The following SLC25A41 variants were observed in gnomAD, a reference collection of about 807,000 sequenced individuals.
The protein encoded by SLC25A41 is mitochondrial carrier protein SCaMC-3L.
SLC25A41 carries 35 observed loss-of-function variants against 34.7 expected under a neutral mutation model. The observed-to-expected ratio is 1.01, with a 90% CI of 0.77 to 1.34. SLC25A41 has a LOEUF of 1.34. SLC25A41 is among the 40% of genes most tolerant of loss of function. The pLI is 0.00. For missense variants in SLC25A41, 492 were observed against 489.8 expected (o/e 1.00, Z -0.04); for synonymous variants, 190 against 209.9 (o/e 0.91, Z 0.82).
At position 6,429,854 on chromosome 19, in the gene SLC25A41, G is replaced by A. The variant is rs200863434; in HGVS notation, c.517-23C>T. ...GCACTGGGAGAGGAGAGAGGAGGGTGAGAGAGAAGTCAGCCACCCTCCGAC... is the reference window on the plus strand; with the variant it reads ...GCACTGGGAGAGGAGAGAGGAGGGTAAGAGAGAAGTCAGCCACCCTCCGAC... On this transcript the variant is annotated intron_variant, in intron 3 of 6. Coordinates refer to ENST00000321510, the MANE Select transcript of SLC25A41 (RefSeq NM_173637.4). The A allele has an allele frequency of 4.1e-3, 6,628 of 1,607,502 alleles. 24 individuals carry two copies. The highest frequency in any genetic ancestry group is 5.0e-3 in the Non-Finnish European group (5,858 of 1,175,712).
At chr19:6,435,421 G>C (rs113905776), upstream of SLC25A41, among the ~76,000 whole-genome samples, 2,805 of 148,426 alleles carry the variant, frequency 0.019, 45 homozygotes, top group South Asian at 0.037. Context: ...GCCCGGCTAA[G>C]TTTTAAAAAT....
chr19:6,433,594 G>T lies in SLC25A41; in HGVS notation c.100C>A (p.Gln34Lys). ...TLLIKAPPPPQPPPPPPSWNP... is the reference protein window; with the variant it reads ...TLLIKAPPPPKPPPPPPSWNP... ...CAGGATGGGGGTGGAGGCGGAGGTT[G>T]GGGGGGAGGCGGGGCTTTGATGAGT... The change falls in exon 1 of 7, where the codon CAA becomes AAA. Residue 34 changes from glutamine to lysine, a missense_variant. By Grantham distance (53) the Gln-to-Lys change is moderately conservative (BLOSUM62 1). Coordinates refer to ENST00000321510, the MANE Select transcript of SLC25A41 (RefSeq NM_173637.4). 2 of 1,605,942 alleles carry T rather than the reference G, an allele frequency of 1.2e-6. No individual in the cohort carries two copies. The highest frequency in any genetic ancestry group is 8.5e-7 in the Non-Finnish European group (1 of 1,173,950).
chr19:6,433,136 C>T (rs938186016), intron 1 of SLC25A41, among the ~76,000 whole-genome samples: 2 of 152,070 alleles, frequency 1.3e-5, no homozygotes, highest in African/African-American at 2.4e-5. Flanking sequence ...GCAACCTCTA[C>T]CTCCTGAGTT....
In SLC25A41 at chr19:6,432,100, C is replaced by T. The variant is rs370366254; in HGVS notation, c.312G>A (p.Ala104=). The change falls in exon 2 of 7, where the codon GCG becomes GCA. Residue 104 remains alanine, a synonymous_variant. Coordinates refer to ENST00000321510, the MANE Select transcript of SLC25A41 (RefSeq NM_173637.4). ...GAGGTGCCGTGCCCGTGCGAGACAC[C>T]GCCCCGGCCATAGCTCCTGAGAGTA... ...KFLLSGAMAG[A]VSRTGTAPLD... The T allele has an allele frequency of 1.6e-5, 26 of 1,613,768 alleles. No homozygotes were observed. Among genetic ancestry groups the T allele is most frequent in the East Asian group, 4.5e-5 (2 of 44,886 alleles).
At chr19:6,431,886 C>G (rs1182951251) in intron 2 of SLC25A41, among the ~76,000 whole-genome samples, 163 bp downstream of exon 2, 1 of 152,130 alleles carries the variant, frequency 6.6e-6, no homozygotes, top group African/African-American at 2.4e-5. Flanking sequence ...CACACCAGCT[C>G]TATCACCATC....
rs1235568243 is a variant in SLC25A41 at position 6,426,391 on chromosome 19, A to G, written c.1111T>C (p.Ter371GlnextTer17). ...YEAMKKTLGI[*>Q] Reference sequence around the variant, plus strand: ...GGCTGTGTCGTCCAGCTCACAGCCTATATGCCCAGGGTTTTCTTCATGGCT... The same window carrying G: ...GGCTGTGTCGTCCAGCTCACAGCCTGTATGCCCAGGGTTTTCTTCATGGCT... Residue 371 changes from the stop codon to glutamine, a stop_lost, in exon 7 of 7, where the codon TAG (stop) becomes CAG (glutamine). Transcript: ENST00000321510. 6 of 1,613,084 alleles carry G rather than the reference A, an allele frequency of 3.7e-6. No homozygotes were observed. The highest frequency in any genetic ancestry group is 2.2e-5 in the East Asian group (1 of 44,874).
At chr19:6,434,185 T>C (rs1018900255), upstream of SLC25A41, among the ~76,000 whole-genome samples, 2 of 152,110 alleles carry the variant, frequency 1.3e-5, no homozygotes, top group African/African-American at 4.8e-5. Context: ...CCTCATGATC[T>C]GCCCACCTCA....
rs773531048 is a variant in SLC25A41 at position 6,427,240 on chromosome 19, C to T, written c.803G>A (p.Cys268Tyr). 1 of 1,612,634 alleles carries T rather than the reference C, an allele frequency of 6.2e-7. No individual in the cohort carries two copies. The highest frequency in any genetic ancestry group is 8.5e-7 in the Non-Finnish European group (1 of 1,179,740). ...TDLAVYEMLQ[C>Y]FWVKSGRDMG... is the part of the protein sequence containing the mutation. ...ATCCCTGCCTGACTTCACCCAGAAG[C>T]ACTGGAGCATCTGCAAGAGAAGGGG... is the stretch of plus-strand genomic sequence containing the variant. The change falls in exon 6 of 7, where the codon TGC becomes TAC. Residue 268 changes from cysteine (C) to tyrosine (Y), a missense_variant. Physicochemically the swap from Cys to Tyr is radical, Grantham distance 194. Transcript: ENST00000321510. This position sits in a 1 kb window ranked among gnomAD's most constrained non-coding sequence, Gnocchi z 4.9.
chr19:6,426,539 G>T lies in SLC25A41; in HGVS notation c.963C>A (p.Pro321=). 2 of 1,613,122 alleles carry T rather than the reference G, an allele frequency of 1.2e-6. No individual in the cohort carries two copies. The highest frequency in any genetic ancestry group is 1.7e-6 in the Non-Finnish European group (2 of 1,179,756). Residue 321 remains proline, a synonymous_variant, in exon 7 of 7, where the codon CCC becomes CCA. Coordinates refer to ENST00000321510, the MANE Select transcript of SLC25A41 (RefSeq NM_173637.4). ...TCCGCTGGAGGACTCCGCGCATGGTGGGATTTGAGCCCTCCACGGTATCTG... is the reference window on the plus strand; with the variant it reads ...TCCGCTGGAGGACTCCGCGCATGGTTGGATTTGAGCCCTCCACGGTATCTG... The part of the protein sequence containing the change: ...QAQDTVEGSN[P]TMRGVLQRIL...
chr19:6,431,270 C>G (rs571618809), intron 2 of SLC25A41, among the ~76,000 whole-genome samples: 1 of 151,080 alleles, frequency 6.6e-6, no homozygotes, highest in South Asian at 2.1e-4. Flanking sequence ...ATTTTTTCAG[C>G]CAGGGATCTC....
chr19:6,435,217 C>G (rs1466902907), upstream of SLC25A41, among the ~76,000 whole-genome samples: 1 of 139,504 alleles, frequency 7.2e-6, no homozygotes, highest in East Asian at 2.1e-4. Flanking sequence ...GAGCGAGACC[C>G]TGTCTCAAAA....
At chr19:6,433,923 T>C (rs191926655), upstream of SLC25A41, 165 of 447,846 alleles carry the variant, frequency 3.7e-4, no homozygotes, top group Middle Eastern at 1.1e-3. Flanking sequence ...ATAAATTGAA[T>C]TGTGTCCTGT....
Position 6,432,108 on chromosome 19 carries a change from C to A in SLC25A41, c.304G>T (p.Ala102Ser), listed in dbSNP as rs200891937. Residue 102 changes from alanine (A) to serine (S), a missense_variant, in exon 2 of 7, where the codon GCC becomes TCC. Ala to Ser is a moderately conservative substitution (Grantham distance 99). Coordinates refer to ENST00000321510, the MANE Select transcript of SLC25A41 (RefSeq NM_173637.4). Reference sequence around the variant, plus strand: ...GTGCCCGTGCGAGACACCGCCCCGGCCATAGCTCCTGAGAGTAGAAACTTC... The same window carrying A: ...GTGCCCGTGCGAGACACCGCCCCGGACATAGCTCCTGAGAGTAGAAACTTC... ...LWKFLLSGAMAGAVSRTGTAP... is the reference protein window; with the variant it reads ...LWKFLLSGAMSGAVSRTGTAP... The A allele has an allele frequency of 1.1e-5, 18 of 1,613,944 alleles. No homozygotes were observed. In the Admixed American group the frequency reaches 2.2e-4, roughly 19 times the overall value.
Position 6,430,123 on chromosome 19 carries a change from C to T in SLC25A41, c.402G>A (p.Gly134=). The change falls in exon 3 of 7, where the codon GGG becomes GGA. Residue 134 remains glycine (G), a synonymous_variant. Coordinates refer to ENST00000321510, the MANE Select transcript of SLC25A41 (RefSeq NM_173637.4). The part of the protein sequence containing the change: ...SSKTNFTNLL[G]GLQSMVQEGG... ...CCTCCTGGACCATGCTCTGTAGCCC[C>T]CCCAGCAGGTTGGTGAAGTTCGTCT... is the stretch of plus-strand genomic sequence containing the variant. 1 of 1,613,244 alleles carries T rather than the reference C, an allele frequency of 6.2e-7. No individual in the cohort carries two copies.
intron 1 of SLC25A41, 112 bp from the exon 2 acceptor site, chr19:6,432,316 G>C (rs931974460): frequency 1.6e-6 from 2 of 1,229,228 alleles, no homozygotes; most frequent in Non-Finnish European, 2.2e-6. Context: ...CCCCAAGTCT[G>C]CATTTTTTTT....
At position 6,426,489 on chromosome 19, in the gene SLC25A41, C is replaced by G. The variant is rs371333924; in HGVS notation, c.1013G>C (p.Gly338Ala). The G allele has an allele frequency of 6.2e-6, 10 of 1,613,490 alleles. No individual in the cohort carries two copies. The African/African-American group carries it at 1.2e-4, about 19-fold the overall frequency. Residue 338 changes from glycine to alanine, a missense_variant, in exon 7 of 7, where the codon GGG (glycine) becomes GCG (alanine). Physicochemically the swap from Gly to Ala is moderately conservative, Grantham distance 60. Coordinates refer to ENST00000321510, the MANE Select transcript of SLC25A41 (RefSeq NM_173637.4). Reference sequence around the variant, plus strand: ...CGTGGGGGTCATGCCTCGGTACAGCCCTAGCCAGCCCTGCTGGGCCAGGAT... The same window carrying G: ...CGTGGGGGTCATGCCTCGGTACAGCGCTAGCCAGCCCTGCTGGGCCAGGAT... Reference protein sequence around the residue: ...QRILAQQGWLGLYRGMTPTLL... With the variant: ...QRILAQQGWLALYRGMTPTLL...
chr19:6,427,291 T>C lies in SLC25A41; in HGVS notation c.793-41A>G, dbSNP rs200181105. Reference sequence around the variant, plus strand: ...GCCAGGAGAAAGCTCACTAGGAGCCTGGGCTCCGGCCAGCCCTGCCACCCC... The same window carrying C: ...GCCAGGAGAAAGCTCACTAGGAGCCCGGGCTCCGGCCAGCCCTGCCACCCC... On this transcript the variant is annotated intron_variant, in intron 5 of 6. Coordinates refer to ENST00000321510, the MANE Select transcript of SLC25A41 (RefSeq NM_173637.4). This position sits in a 1 kb window ranked among gnomAD's most constrained non-coding sequence, Gnocchi z 4.9. The C allele has an allele frequency of 7.9e-3, 12,691 of 1,607,754 alleles. 172 individuals are homozygous for C. Among genetic ancestry groups the C allele is most frequent in the South Asian group, 0.013 (1,141 of 90,760 alleles).
At chr19:6,430,208 C>T (rs758866899) in intron 2 of SLC25A41, 47 bp from the exon 3 acceptor site, 5 of 1,549,410 alleles carry the variant, frequency 3.2e-6, no homozygotes, top group South Asian at 2.5e-5. Flanking sequence ...GCCTCTGTCT[C>T]CGTCCCCATC....
chr19:6,429,726 C>T lies in SLC25A41; in HGVS notation c.622G>A (p.Glu208Lys). 1.3e-6 allele frequency: 2 copies of T among 1,586,222 alleles called. No homozygotes were observed. The highest frequency in any genetic ancestry group is 1.7e-6 in the Non-Finnish European group (2 of 1,169,270). The change falls in exon 4 of 7, where the codon GAG becomes AAG. Residue 208 changes from glutamate to lysine, a missense_variant and splice_region_variant. Physicochemically the swap from Glu to Lys is moderately conservative, Grantham distance 56 (BLOSUM62 1). Coordinates refer to ENST00000321510, the MANE Select transcript of SLC25A41 (RefSeq NM_173637.4). Reference protein sequence around the residue: ...AISQTLINPMEVLKTRLTLRR... With the variant: ...AISQTLINPMKVLKTRLTLRR... The stretch of plus-strand genomic sequence containing the variant: ...CTGCGGGGCACATGCTCTCTTACCT[C>T]CATGGGGTTGATGAGGGTCTGGGAG...
Sources: gnomAD v4.1 joint callset for allele counts (sites outside exome capture counted in the v4.1 genomes callset) on GRCh38, gnomAD v4.1.1 for gene constraint, Gnocchi (gnomAD v3.1) non-coding constraint, MANE v1.5 for transcripts, NCBI Gene and HGNC (gene_info 2026-07-23, HGNC 2026-07-21) for gene names.